Variants in GAS7 observed in about 807,000 individuals in gnomAD.
The protein encoded by GAS7 is growth arrest specific 7.
Under a neutral mutation model 71.1 loss-of-function variants are expected in GAS7, and 28 were observed. That is an observed-to-expected ratio of 0.39 (90% confidence interval 0.29 to 0.54). The LOEUF (loss-of-function observed/expected upper bound fraction) is 0.54, where lower values mean the gene tolerates loss of function less well. Ranked by LOEUF, GAS7 falls within the 20% of genes least tolerant of loss-of-function variation. The pLI, the probability that GAS7 is intolerant of heterozygous loss-of-function variation, is 0.62. For missense variants in GAS7, 436 were observed against 627.8 expected (o/e 0.69, Z 3.27); for synonymous variants, 258 against 245.8 (o/e 1.05, Z -0.46).
At position 10,034,534 on chromosome 17, in the gene GAS7, C is replaced by T. The variant is rs549652349; in HGVS notation, c.184-14637G>A. ...ACGTTGACCAGGCTGGCCTTGAACT[C>T]CTGACCTCAGGTGATCTGCCCACCT... On this transcript the variant is annotated intron_variant, in intron 1 of 13. Coordinates refer to ENST00000432992, the MANE Select transcript of GAS7 (RefSeq NM_201433.2). The surrounding 1 kb of genome is among the most constrained non-coding windows in gnomAD (Gnocchi z 4.4). Among the ~76,000 whole-genome samples, 1 of 152,144 alleles carries T rather than the reference C, an allele frequency of 6.6e-6. No homozygotes were observed. Among genetic ancestry groups the T allele is most frequent in the Admixed American group, 6.6e-5 (1 of 15,266 alleles).
At chr17:10,112,463 C>T (rs2073822585) in intron 1 of GAS7, among the ~76,000 whole-genome samples, 2 of 152,240 alleles carry the variant, frequency 1.3e-5, no homozygotes, top group Non-Finnish European at 1.5e-5. Context: ...TAGCCGGGCG[C>T]GGTGTCTCAC....
intron 5 of GAS7, among the ~76,000 whole-genome samples, chr17:9,956,769 T>C (rs1476164383): frequency 6.6e-6 from 1 of 152,164 alleles, no homozygotes; most frequent in East Asian, 1.9e-4. Context: ...ATTTCTGCTC[T>C]GCGGGATCAG....
At chr17:10,148,905 G>A (rs1328749298) in intron 1 of GAS7, among the ~76,000 whole-genome samples, 59 of 45,994 alleles carry the variant, frequency 1.3e-3, no homozygotes, top group Admixed American at 4.0e-4. Context: ...GAAAGACTCC[G>A]CCTCAAAAAA....
chr17:9,916,991 G>T lies in GAS7; in HGVS notation c.*237C>A, dbSNP rs924953138. On this transcript the variant is annotated 3_prime_UTR_variant, in exon 14 of 14. Coordinates refer to ENST00000432992, the MANE Select transcript of GAS7 (RefSeq NM_201433.2). ...TCAGAGCGGCAAGCACAGCATGGGA[G>T]TCAGGGGGTCTTCAGCCTCAGAGAC... is the stretch of plus-strand genomic sequence containing the variant. 3.5e-6 allele frequency: 2 copies of T among 571,988 alleles called. No individual in the cohort carries two copies. The highest frequency in any genetic ancestry group is 5.6e-5 in the East Asian group (2 of 35,966). 35.4% of individuals were successfully genotyped at this position (571,988 alleles called of 1,614,324 possible). A position where few individuals can be genotyped will look rare whatever the true frequency, so the allele number is the denominator to read the frequency against.
chr17:10,163,244 G>C (rs2074269500), intron 1 of GAS7, among the ~76,000 whole-genome samples: 1 of 152,134 alleles, frequency 6.6e-6, no homozygotes, highest in Non-Finnish European at 1.5e-5. Flanking sequence ...CTGAGGAGCT[G>C]GGATTACAGG....
chr17:9,984,927 C>G (rs1243303883), intron 2 of GAS7, among the ~76,000 whole-genome samples: 1 of 152,178 alleles, frequency 6.6e-6, no homozygotes, highest in African/African-American at 2.4e-5. Flanking sequence ...TTCTCTCCTG[C>G]CCGTTGAATC....
intron 2 of GAS7, among the ~76,000 whole-genome samples, chr17:10,018,391 T>C (rs930739433): frequency 6.6e-6 from 1 of 152,188 alleles, no homozygotes; most frequent in Non-Finnish European, 1.5e-5. Flanking sequence ...CTTCCAATAA[T>C]TTGGATCCAA....
chr17:10,023,223 C>T (rs747198849), intron 1 of GAS7, among the ~76,000 whole-genome samples: 2 of 152,176 alleles, frequency 1.3e-5, no homozygotes, highest in Non-Finnish European at 2.9e-5. Context: ...TCCTGCAGGG[C>T]CGCACTCTGC....
intron 9 of GAS7, among the ~76,000 whole-genome samples, chr17:9,930,024 A>C (rs2068153264): frequency 6.6e-6 from 1 of 152,200 alleles, no homozygotes; most frequent in South Asian, 2.1e-4. Context: ...CCAAGTTGGT[A>C]GGAATTTCAG....
At position 10,163,701 on chromosome 17, in the gene GAS7, T is replaced by C. The variant is rs551412958; in HGVS notation, c.183+34507A>G. Among the ~76,000 whole-genome samples, 23 of 152,244 alleles carry C rather than the reference T, an allele frequency of 1.5e-4. 1 individual carries two copies. In the South Asian group the frequency reaches 2.3e-3, roughly 15 times the overall value. On this transcript the variant is annotated intron_variant, in intron 1 of 13. Coordinates refer to ENST00000432992, the MANE Select transcript of GAS7 (RefSeq NM_201433.2). ...CAAGCTCTTGGTTCCAATCCATCCT[T>C]GGCATTCCCATTCTCCCAGCAAGCC...
In GAS7 at chr17:9,974,515, GA is replaced by G. The variant is rs913449137; in HGVS notation, c.386-4754del. Among the ~76,000 whole-genome samples, 261 of 143,230 alleles carry G rather than the reference GA, an allele frequency of 1.8e-3. No homozygotes were observed. The highest frequency in any genetic ancestry group is 4.3e-3 in the African/African-American group (167 of 39,132). The allele number at this position is 143,230 out of a possible 152,430, so 94.0% of individuals were successfully genotyped here. ...ACATAATTCAGTCTGGAGATACAAG[GA>G]AAAAAAAAAAGCAAATGTCACACTC... is the stretch of plus-strand genomic sequence containing the variant. On this transcript the variant is annotated intron_variant, in intron 3 of 13. Transcript: ENST00000432992. The surrounding 1 kb of genome is among the most constrained non-coding windows in gnomAD (Gnocchi z 4.0).
At chr17:10,152,296 A>G (rs2074172431) in intron 1 of GAS7, among the ~76,000 whole-genome samples, 1 of 152,224 alleles carries the variant, frequency 6.6e-6, no homozygotes, top group African/African-American at 2.4e-5. Context: ...AAGCTGTACC[A>G]ATCCACTTTA....
At chr17:10,051,318 G>T (rs1045754758) in intron 1 of GAS7, among the ~76,000 whole-genome samples, 1 of 152,148 alleles carries the variant, frequency 6.6e-6, no homozygotes, top group Non-Finnish European at 1.5e-5. Context: ...TTTCCCAACA[G>T]CACGGCTAAA....
At chr17:10,115,874 GGCAC>G (rs1424890055) in intron 1 of GAS7, among the ~76,000 whole-genome samples, 3 of 152,142 alleles carry the variant, frequency 2.0e-5, no homozygotes, top group African/African-American at 7.2e-5. Flanking sequence ...CTACGAGTGA[GGCAC>G]GCTGTCCCTG....
intron 1 of GAS7, among the ~76,000 whole-genome samples, chr17:10,152,600 G>A (rs1026899552): frequency 2.6e-5 from 4 of 152,268 alleles, no homozygotes; most frequent in East Asian, 1.9e-4. Flanking sequence ...CCAGTGCCTC[G>A]TCCACTGCTG....
intron 1 of GAS7, among the ~76,000 whole-genome samples, chr17:10,148,275 C>A (rs1232442215): frequency 6.6e-6 from 1 of 152,058 alleles, no homozygotes; most frequent in Non-Finnish European, 1.5e-5. Context: ...CTTTCTTCAC[C>A]TGCATCCCTT....
chr17:10,003,848 C>T (rs1186705156), intron 2 of GAS7, among the ~76,000 whole-genome samples: 2 of 152,192 alleles, frequency 1.3e-5, no homozygotes, highest in Admixed American at 1.3e-4. Flanking sequence ...TAACTTCTCA[C>T]CCCATTTTCC....
chr17:10,116,102 G>A (rs1567598323), intron 1 of GAS7, among the ~76,000 whole-genome samples: 1 of 152,200 alleles, frequency 6.6e-6, no homozygotes. Flanking sequence ...TTTGAAGTCA[G>A]GAGTTCAAGA....
intron 11 of GAS7, among the ~76,000 whole-genome samples, chr17:9,920,689 C>G (rs1398392876): frequency 6.6e-6 from 1 of 152,230 alleles, no homozygotes; most frequent in Non-Finnish European, 1.5e-5. Flanking sequence ...CAGAGCAGCA[C>G]AGCTCTCATG....
Sources: gnomAD v4.1 joint callset for allele counts (sites outside exome capture counted in the v4.1 genomes callset) on GRCh38, gnomAD v4.1.1 for gene constraint, Gnocchi (gnomAD v3.1) non-coding constraint, MANE v1.5 for transcripts, NCBI Gene and HGNC (gene_info 2026-07-23, HGNC 2026-07-21) for gene names.